The following COP1 variants were observed in gnomAD, a reference collection of about 807,000 sequenced individuals.
The protein encoded by COP1 is COP1 E3 ubiquitin ligase.
Under a neutral mutation model 101.3 loss-of-function variants are expected in COP1, and 24 were observed. The ratio of observed to expected loss-of-function variants is 0.24; its 90% confidence interval spans 0.17 to 0.33. The LOEUF (loss-of-function observed/expected upper bound fraction) is 0.33. COP1 is among the 10% of genes least tolerant of loss of function. The probability of loss-of-function intolerance (pLI) is 1.00; values close to 1 mark genes in which losing one functional copy is unlikely to be tolerated. For synonymous variants in COP1, 347 were observed against 341.9 expected, an observed-to-expected ratio of 1.01 and a Z score of -0.17; for missense variants, 663 against 906.2, an observed-to-expected ratio of 0.73 and a Z score of 3.45.
At position 176,095,292 on chromosome 1, in the gene COP1, T is replaced by C. The variant is rs138607538; in HGVS notation, c.1027-9402A>G. Among the ~76,000 whole-genome samples, 17 of 152,340 alleles carry C rather than the reference T, an allele frequency of 1.1e-4. No individual in the cohort carries two copies. The East Asian group carries it at 3.1e-3, about 28-fold the overall frequency. On this transcript the variant is annotated intron_variant, in intron 9 of 19. Transcript: ENST00000367669. Reference sequence around the variant, plus strand: ...ACAGAATTTAGAATAGTGGTTATCATAGTGTGATCCCCAAAATGTGGCTGA... The same window carrying C: ...ACAGAATTTAGAATAGTGGTTATCACAGTGTGATCCCCAAAATGTGGCTGA...
chr1:176,191,881 C>T (rs1408209740), intron 1 of COP1, among the ~76,000 whole-genome samples: 3 of 151,902 alleles, frequency 2.0e-5, no homozygotes, highest in Non-Finnish European at 2.9e-5. Context: ...AATAAGGAGA[C>T]GAGAGGTAAG....
chr1:175,992,826 C>A (rs1658955907), intron 15 of COP1, among the ~76,000 whole-genome samples: 1 of 152,160 alleles, frequency 6.6e-6, no homozygotes, highest in African/African-American at 2.4e-5. Context: ...CAGGCACAGA[C>A]AAAAAGACAG....
chr1:176,167,696 C>T (rs1695348366), intron 3 of COP1, among the ~76,000 whole-genome samples: 2 of 152,144 alleles, frequency 1.3e-5, no homozygotes, highest in East Asian at 3.8e-4. Flanking sequence ...ATTCAAGCAA[C>T]GGTCTTTTTA....
At chr1:176,063,910 G>T (rs1216504637) in intron 11 of COP1, among the ~76,000 whole-genome samples, 1 of 152,044 alleles carries the variant, frequency 6.6e-6, no homozygotes, top group East Asian at 1.9e-4. Context: ...AGTAAGTAAT[G>T]ATAAAACATA....
chr1:176,077,381 A>G (rs1678243418), intron 11 of COP1, among the ~76,000 whole-genome samples: 1 of 152,182 alleles, frequency 6.6e-6, no homozygotes, highest in Admixed American at 6.5e-5. Flanking sequence ...TACCACATAA[A>G]TAGAATAAAA....
At chr1:176,083,441 A>G (rs957787911) in intron 10 of COP1, among the ~76,000 whole-genome samples, 2 of 152,158 alleles carry the variant, frequency 1.3e-5, no homozygotes, top group African/African-American at 4.8e-5. Context: ...TCAGTATCTG[A>G]AAGTATAGTA....
At chr1:176,060,151 A>T (rs1438298310) in intron 11 of COP1, among the ~76,000 whole-genome samples, 2 of 152,202 alleles carry the variant, frequency 1.3e-5, no homozygotes, top group East Asian at 3.8e-4. Flanking sequence ...AAACCTCAAG[A>T]TCTTGCTTTA....
At chr1:176,147,782 A>C (rs1253717677) in intron 6 of COP1, among the ~76,000 whole-genome samples, 1 of 152,238 alleles carries the variant, frequency 6.6e-6, no homozygotes, top group Non-Finnish European at 1.5e-5. Context: ...GGCCAAATGA[A>C]GATCACACGG....
chr1:176,059,972 A>T (rs1161941204), intron 11 of COP1, among the ~76,000 whole-genome samples: 2 of 152,106 alleles, frequency 1.3e-5, no homozygotes, highest in African/African-American at 4.8e-5. Flanking sequence ...TAGTTTGCTG[A>T]CCTTAAACTG....
chr1:175,976,196 T>C (rs1215136458), intron 18 of COP1, among the ~76,000 whole-genome samples: 1 of 151,196 alleles, frequency 6.6e-6, no homozygotes, highest in African/African-American at 2.5e-5. Flanking sequence ...GGTATAACTA[T>C]TTTATTCTGT....
intron 15 of COP1, among the ~76,000 whole-genome samples, chr1:176,012,966 A>G (rs1302872960): frequency 6.6e-6 from 1 of 152,168 alleles, no homozygotes; most frequent in Non-Finnish European, 1.5e-5. Context: ...CCTCGGGGGA[A>G]CTGGTTTCAA....
At chr1:176,107,695 G>C (rs1337690175) in intron 9 of COP1, among the ~76,000 whole-genome samples, 1 of 152,122 alleles carries the variant, frequency 6.6e-6, no homozygotes, top group Admixed American at 6.5e-5. Flanking sequence ...TCAAAGGGAA[G>C]AAACTTTACA....
chr1:175,996,109 A>T (rs962506069), intron 15 of COP1, among the ~76,000 whole-genome samples: 6 of 152,168 alleles, frequency 3.9e-5, no homozygotes, highest in Admixed American at 2.6e-4. Flanking sequence ...AAATCAATAA[A>T]TGTAATCCAG....
chr1:175,983,790 G>A (rs538542591), intron 18 of COP1, among the ~76,000 whole-genome samples: 6 of 152,262 alleles, frequency 3.9e-5, no homozygotes, highest in Admixed American at 2.6e-4. Flanking sequence ...GAACTTGCTG[G>A]GAAATAGAGC....
intron 1 of COP1, among the ~76,000 whole-genome samples, chr1:176,200,563 C>G (rs1700164852): frequency 6.6e-6 from 1 of 152,086 alleles, no homozygotes; most frequent in South Asian, 2.1e-4. Flanking sequence ...AATGGTTACA[C>G]CAGAAATACA....
intron 6 of COP1, among the ~76,000 whole-genome samples, chr1:176,148,252 A>C (rs1429156712): frequency 6.6e-6 from 1 of 152,202 alleles, no homozygotes; most frequent in Non-Finnish European, 1.5e-5. Flanking sequence ...AACATCTCTT[A>C]TCTATTTATT....
intron 1 of COP1, among the ~76,000 whole-genome samples, chr1:176,191,685 G>A (rs1699130079): frequency 6.6e-6 from 1 of 152,042 alleles, no homozygotes; most frequent in African/African-American, 2.4e-5. Flanking sequence ...TTAAGTTCCA[G>A]TCTATGTCCC....
chr1:176,127,301 T>A (rs1340724802), intron 8 of COP1, among the ~76,000 whole-genome samples: 2 of 152,150 alleles, frequency 1.3e-5, no homozygotes, highest in African/African-American at 4.8e-5. Flanking sequence ...CCAGAATTGA[T>A]TCTTCCTGTC....
chr1:176,136,845 G>A (rs769111541), intron 6 of COP1, among the ~76,000 whole-genome samples: 1 of 151,868 alleles, frequency 6.6e-6, no homozygotes, highest in Non-Finnish European at 1.5e-5. Flanking sequence ...ATACAAGATA[G>A]CCAAAGAACT....
Sources: gnomAD v4.1 joint callset for allele counts (sites outside exome capture counted in the v4.1 genomes callset) on GRCh38, gnomAD v4.1.1 for gene constraint, MANE v1.5 for transcripts, NCBI Gene and HGNC (gene_info 2026-07-23, HGNC 2026-07-21) for gene names.